The following GYG2 variants were observed in gnomAD, a reference collection of about 807,000 sequenced individuals.
GYG2 encodes the protein glycogenin 2.
Under a neutral mutation model 29.4 loss-of-function variants are expected in GYG2, and 29 were observed. The observed-to-expected ratio is 0.99, with a 90% CI of 0.74 to 1.35. The LOEUF (loss-of-function observed/expected upper bound fraction) is 1.35. Among genes scored for constraint, GYG2 ranks in the 40% most tolerant of loss-of-function variants. The probability of loss-of-function intolerance (pLI) is 0.00; values close to 1 mark genes in which losing one functional copy is unlikely to be tolerated. For missense variants in GYG2, 370 were observed against 385.7 expected, an observed-to-expected ratio of 0.96 and a Z score of 0.34; for synonymous variants, 167 against 172.3, an observed-to-expected ratio of 0.97 and a Z score of 0.24.
intron 1 of GYG2, 21 bp from the exon 2 acceptor site, chrX:2,830,040 C>G: frequency 1.9e-6 from 1 of 522,853 alleles, no homozygotes; most frequent in East Asian, 3.7e-5. Flanking sequence ...GGTGTCGAGA[C>G]TGCCACGCTG....
At chrX:2,858,470 A>G (rs1235075454) in intron 6 of GYG2, among the ~76,000 whole-genome samples, 2 of 107,507 alleles carry the variant, frequency 1.9e-5, no homozygotes, top group Non-Finnish European at 3.9e-5. Context: ...AGCTCAGGAG[A>G]AAAAAAAAAG....
At chrX:2,878,894 G>C (rs1456238208) in intron 10 of GYG2, among the ~76,000 whole-genome samples, 1 of 112,072 alleles carries the variant, frequency 8.9e-6, no homozygotes, top group Non-Finnish European at 1.9e-5. Context: ...GTTTTGTCTT[G>C]AAAACTAGTA....
intron 8 of GYG2, among the ~76,000 whole-genome samples, chrX:2,862,534 C>T (rs375082684): frequency 4.5e-5 from 5 of 111,294 alleles, no homozygotes; most frequent in Non-Finnish European, 9.4e-5. Context: ...AGGTTTCAGC[C>T]GAACCCCTGA....
At position 2,882,375 on chromosome X, in the gene GYG2, G is replaced by C. The variant is rs904820748; in HGVS notation, c.*1162G>C. On this transcript the variant is annotated 3_prime_UTR_variant, in exon 11 of 11. Transcript: ENST00000398806. Reference sequence around the variant, plus strand: ...GGATAGGAAGGCCGTGGGAGAACTCGATCCTAGCCTGTGTCAGCTGGATGT... The same window carrying C: ...GGATAGGAAGGCCGTGGGAGAACTCCATCCTAGCCTGTGTCAGCTGGATGT... 5.4e-5 allele frequency: 6 copies of C among 111,564 alleles called. No individual in the cohort carries two copies. The highest frequency in any genetic ancestry group is 1.1e-4 in the Non-Finnish European group (6 of 53,178). 9.2% of individuals were successfully genotyped at this position (111,564 alleles called of 1,213,427 possible).
rs17090628 is a variant in GYG2, at chrX:2,856,568, G to A, written c.558G>A (p.Pro186=). ...WSTTDIHKHL[P]FIYNLSSNTM... The stretch of plus-strand genomic sequence containing the variant: ...CCACAGACATCCACAAGCACCTGCC[G>A]TTCATCTATAACTTGAGTAGTAACA... Residue 186 remains proline, a synonymous_variant, in exon 6 of 11, where the codon CCG becomes CCA. Coordinates refer to ENST00000398806, the MANE Select transcript of GYG2 (RefSeq NM_001079855.2). 0.013 allele frequency: 15,409 copies of A among 1,200,866 alleles called. 1,108 individuals carry two copies. In the African/African-American group the frequency reaches 0.23, roughly 18 times the overall value.
At chrX:2,850,128 A>G (rs1165719) in intron 3 of GYG2, among the ~76,000 whole-genome samples, 13 of 109,008 alleles carry the variant, frequency 1.2e-4, no homozygotes, top group African/African-American at 2.0e-4. Flanking sequence ...AAATAATAAT[A>G]ATAATGATAA....
At chrX:2,846,036 C>CACAT (rs1199380183) in intron 3 of GYG2, among the ~76,000 whole-genome samples, 6 of 33,056 alleles carry the variant, frequency 1.8e-4, no homozygotes, top group Admixed American at 1.0e-3. Flanking sequence ...TATATATACA[C>CACAT]ATATATATAT....
rs763358625 is a variant in GYG2, at chrX:2,854,090, C to T, written c.260C>T (p.Thr87Ile). 10 of 1,207,173 alleles carry T rather than the reference C, an allele frequency of 8.3e-6. No individual in the cohort carries two copies. The South Asian group carries it at 1.8e-4, about 21-fold the overall frequency. Residue 87 changes from threonine to isoleucine, a missense_variant, in exon 4 of 11, where the codon ACC becomes ATC. Physicochemically the swap from Thr to Ile is moderately conservative, Grantham distance 89. Transcript: ENST00000398806. The stretch of plus-strand genomic sequence containing the variant: ...AGACCTGAGCTCGGGCTCACCCTCA[C>T]CAAGCTTCACTGTTGGACTCTCACT... Reference protein sequence around the residue: ...LKRPELGLTLTKLHCWTLTHY... With the variant: ...LKRPELGLTLIKLHCWTLTHY...
At chrX:2,831,007 C>T (rs1410231687) in intron 2 of GYG2, among the ~76,000 whole-genome samples, 1 of 112,256 alleles carries the variant, frequency 8.9e-6, no homozygotes, top group Non-Finnish European at 1.9e-5. Flanking sequence ...AGGCCTGCCC[C>T]CGCCAAGGAC....
At chrX:2,866,589 G>A (rs973850158) in intron 8 of GYG2, among the ~76,000 whole-genome samples, 1 of 111,308 alleles carries the variant, frequency 9.0e-6, no homozygotes, top group Non-Finnish European at 1.9e-5. Context: ...CTAGACAAGA[G>A]GAATATGTTG....
chrX:2,842,139 C>T (rs2087515340), intron 2 of GYG2, among the ~76,000 whole-genome samples: 1 of 111,556 alleles, frequency 9.0e-6, no homozygotes, highest in South Asian at 3.8e-4. Context: ...ATTTAAATAA[C>T]ATGTTTGGCT....
In GYG2 at chrX:2,881,101, A is replaced by G. The variant is rs766697178; in HGVS notation, c.1301A>G (p.Lys434Arg). ...VSQISIEEKV[K>R]ELSPEEERRK... is the part of the protein sequence containing the mutation. ...CAGATCTCCATCGAAGAGAAGGTGA[A>G]GGAATTGAGCCCCGAGGAAGAGAGG... The change falls in exon 11 of 11, where the codon AAG becomes AGG. Residue 434 changes from lysine to arginine, a missense_variant. Transcript: ENST00000398806. 5.9e-5 allele frequency: 71 copies of G among 1,206,944 alleles called. No homozygotes were observed. Among genetic ancestry groups the G allele is most frequent in the Non-Finnish European group, 7.7e-5 (69 of 893,251 alleles).
chrX:2,879,678 GATAA>G (rs1429469932), intron 10 of GYG2, among the ~76,000 whole-genome samples: 2 of 112,472 alleles, frequency 1.8e-5, no homozygotes, highest in African/African-American at 3.2e-5. Flanking sequence ...AGAGATGATA[GATAA>G]ATGAATGATA....
In GYG2 at chrX:2,856,520, T is replaced by C. The variant is rs1387433618; in HGVS notation, c.510T>C (p.Asn170=). 5.0e-6 allele frequency: 6 copies of C among 1,208,809 alleles called. No homozygotes were observed. Among genetic ancestry groups the C allele is most frequent in the Non-Finnish European group, 6.7e-6 (6 of 893,297 alleles). Residue 170 remains asparagine (N), a synonymous_variant, in exon 6 of 11, where the codon AAT becomes AAC. Coordinates refer to ENST00000398806, the MANE Select transcript of GYG2 (RefSeq NM_001079855.2). ...SFDGADQGLL[N]SFFRNWSTTD... ...TAGGGGCAGACCAAGGCTTACTGAATAGTTTCTTCAGGAACTGGTCGACCA... is the reference window on the plus strand; with the variant it reads ...TAGGGGCAGACCAAGGCTTACTGAACAGTTTCTTCAGGAACTGGTCGACCA...
In GYG2 at chrX:2,877,245, G is replaced by A. The variant is rs138101249; in HGVS notation, c.1189G>A (p.Glu397Lys). The part of the protein sequence containing the change: ...VESVSSEETF[E>K]PSQELPAEAL... Reference sequence around the variant, plus strand: ...AAGTGTCTCATCCGAGGAAACCTTCGAACCAAGCCAGGAACTCCCTGCTGA... The same window carrying A: ...AAGTGTCTCATCCGAGGAAACCTTCAAACCAAGCCAGGAACTCCCTGCTGA... The change falls in exon 10 of 11, where the codon GAA (glutamate) becomes AAA (lysine). Residue 397 changes from glutamate (E) to lysine (K), a missense_variant. Coordinates refer to ENST00000398806, the MANE Select transcript of GYG2 (RefSeq NM_001079855.2). 1 of 1,210,097 alleles carries A rather than the reference G, an allele frequency of 8.3e-7. No individual in the cohort carries two copies. The highest frequency in any genetic ancestry group is 2.2e-5 in the Admixed American group (1 of 45,933).
At chrX:2,869,412 T>G (rs1411784865) in intron 8 of GYG2, among the ~76,000 whole-genome samples, 1 of 111,229 alleles carries the variant, frequency 9.0e-6, no homozygotes, top group Non-Finnish European at 1.9e-5. Flanking sequence ...TTTCATTAAT[T>G]CGTACTCCCG....
At chrX:2,874,158 TA>T (rs746347357) in intron 8 of GYG2, among the ~76,000 whole-genome samples, 5 of 111,848 alleles carry the variant, frequency 4.5e-5, no homozygotes, top group Non-Finnish European at 1.9e-5. Context: ...ATAGTCAAAT[TA>T]AAAAAAAGGT....
chrX:2,881,092 A>G lies in GYG2; in HGVS notation c.1292A>G (p.Glu431Gly), dbSNP rs1209164727. Residue 431 changes from glutamate to glycine, a missense_variant, in exon 11 of 11, where the codon GAG (glutamate) becomes GGG (glycine). Physicochemically the swap from Glu to Gly is moderately conservative, Grantham distance 98 (BLOSUM62 -2). Transcript: ENST00000398806. ...AVSVSQISIE[E>G]KVKELSPEEE... The stretch of plus-strand genomic sequence containing the variant: ...TCTGTTTCCCAGATCTCCATCGAAG[A>G]GAAGGTGAAGGAATTGAGCCCCGAG... 8.3e-7 allele frequency: 1 copy of G among 1,209,226 alleles called. No individual in the cohort carries two copies. The highest frequency in any genetic ancestry group is 3.0e-5 in the East Asian group (1 of 33,777).
chrX:2,878,550 A>T (rs1391879642), intron 10 of GYG2, among the ~76,000 whole-genome samples: 6 of 111,735 alleles, frequency 5.4e-5, no homozygotes, highest in Non-Finnish European at 9.4e-5. Flanking sequence ...GATTACAGGC[A>T]TGAGCCACCG....
Sources: gnomAD v4.1 joint callset for allele counts (sites outside exome capture counted in the v4.1 genomes callset) on GRCh38, gnomAD v4.1.1 for gene constraint, MANE v1.5 for transcripts, NCBI Gene and HGNC (gene_info 2026-07-23, HGNC 2026-07-21) for gene names.